BDP1: variants seen among roughly 807,000 people sequenced by gnomAD.
BDP1 encodes BDP1 general transcription factor IIIB subunit.
In BDP1, 169 loss-of-function variants were observed where a neutral mutation model predicts 266.6. The observed-to-expected ratio is 0.63, with a 90% confidence interval of 0.56 to 0.72. The LOEUF is 0.72. Ranked by LOEUF, BDP1 falls within the 30% of genes least tolerant of loss-of-function variation. BDP1 has a pLI of 0.00. For synonymous variants in BDP1, 1,090 were observed against 1,022.4 expected (o/e 1.07, Z -1.26); for missense variants, 3,015 against 3,053.8 (o/e 0.99, Z 0.30).
At position 71,509,450 on chromosome 5, in the gene BDP1, C is replaced by T. The variant is rs66954493; in HGVS notation, c.2373-15C>T. The T allele has an allele frequency of 0.041, 49,156 of 1,184,888 alleles. 484 individuals carry two copies. The highest frequency in any genetic ancestry group is 0.099 in the South Asian group (5,166 of 52,234). 73.4% of individuals were successfully genotyped at this position (1,184,888 alleles called of 1,614,324 possible). A position where few individuals can be genotyped will look rare whatever the true frequency, so the allele number is the denominator to read the frequency against. ...GGTTTAAAACTTGATTGTGTGCCCC[C>T]TTTTTTTTTTATAGCGTTCAAGAGA... is the stretch of plus-strand genomic sequence containing the variant. On this transcript the variant is annotated splice_polypyrimidine_tract_variant and intron_variant, in intron 16 of 38. Coordinates refer to ENST00000358731, the MANE Select transcript of BDP1 (RefSeq NM_018429.3).
At position 71,495,454 on chromosome 5, in the gene BDP1, G is replaced by A. The variant is rs757816577; in HGVS notation, c.1799+46G>A. Reference sequence around the variant, plus strand: ...GATTTATTTATAAAATTTTGATAAGGTTCTTAAATGATAATAATGTTGCTT... The same window carrying A: ...GATTTATTTATAAAATTTTGATAAGATTCTTAAATGATAATAATGTTGCTT... On this transcript the variant is annotated intron_variant, in intron 12 of 38. Coordinates refer to ENST00000358731, the MANE Select transcript of BDP1 (RefSeq NM_018429.3). 7 of 1,313,598 alleles carry A rather than the reference G, an allele frequency of 5.3e-6. No individual in the cohort carries two copies. The African/African-American group carries it at 5.9e-5, about 11-fold the overall frequency. The allele number at this position is 1,313,598 out of a possible 1,614,324, so 81.4% of individuals were successfully genotyped here.
At chr5:71,559,867 C>A in intron 36 of BDP1, 115 bp from the exon 37 acceptor site, 3 of 1,030,530 alleles carry the variant, frequency 2.9e-6, no homozygotes, top group South Asian at 1.6e-5. Context: ...ATTTAGCTTA[C>A]TCTTATTAGG....
At chr5:71,481,391 GAAAAAAAAAA>G (rs58798987) in intron 7 of BDP1, among the ~76,000 whole-genome samples, 12 of 63,844 alleles carry the variant, frequency 1.9e-4, no homozygotes, top group East Asian at 5.2e-4. Context: ...TCTCTACAAA[GAAAAAAAAAA>G]AAAAAAAAAA....
chr5:71,549,367 C>T, intron 33 of BDP1, 53 bp from the exon 34 acceptor site: 1 of 1,320,864 alleles, frequency 7.6e-7, no homozygotes, highest in Admixed American at 2.2e-5. Flanking sequence ...ATTAATGATA[C>T]TCTGTTATTT....
At chr5:71,536,368 A>G (rs1471435486) in intron 26 of BDP1, among the ~76,000 whole-genome samples, 10 of 152,178 alleles carry the variant, frequency 6.6e-5, no homozygotes, top group Middle Eastern at 3.2e-3. Flanking sequence ...TACTTCCACA[A>G]TTTGCAGTTA....
intron 12 of BDP1, among the ~76,000 whole-genome samples, chr5:71,495,632 TATA>T (rs1763843738): frequency 6.6e-6 from 1 of 152,318 alleles, no homozygotes; most frequent in East Asian, 1.9e-4. Flanking sequence ...ATATCTGTTA[TATA>T]ATAATGATAT....
Position 71,510,824 on chromosome 5 carries a change from C to G in BDP1, c.3732C>G (p.Phe1244Leu), listed in dbSNP as rs1580109648. The change falls in exon 17 of 39, where the codon TTC becomes TTG. Residue 1244 changes from phenylalanine to leucine, a missense_variant. Coordinates refer to ENST00000358731, the MANE Select transcript of BDP1 (RefSeq NM_018429.3). Reference sequence around the variant, plus strand: ...AAAGGGAAAAGGTGCTAGCAGAGTTCAGTGCTATAAGGGAAAAGGAGATTG... The same window carrying G: ...AAAGGGAAAAGGTGCTAGCAGAGTTGAGTGCTATAAGGGAAAAGGAGATTG... ...ISQREKVLAE[F>L]SAIREKEIDL... 1 of 1,613,250 alleles carries G rather than the reference C, an allele frequency of 6.2e-7. No homozygotes were observed. The highest frequency in any genetic ancestry group is 8.5e-7 in the Non-Finnish European group (1 of 1,179,762).
intron 11 of BDP1, chr5:71,494,947 C>G (rs1180032602): frequency 5.6e-6 from 1 of 179,188 alleles, no homozygotes; most frequent in Non-Finnish European, 1.2e-5. Flanking sequence ...ATCTGCCCGC[C>G]CTGGCTTCCC....
At chr5:71,476,852 C>G (rs1021049328) in intron 7 of BDP1, among the ~76,000 whole-genome samples, 1 of 151,914 alleles carries the variant, frequency 6.6e-6, no homozygotes, top group Admixed American at 6.6e-5. Context: ...TACAGGCGCC[C>G]GCCACCACGC....
chr5:71,494,711 A>G (rs1289373598), intron 11 of BDP1: 1 of 152,000 alleles, frequency 6.6e-6, no homozygotes, highest in Admixed American at 6.6e-5. Flanking sequence ...ATAATTTCTC[A>G]TTTTGAAGCC....
intron 25 of BDP1, among the ~76,000 whole-genome samples, chr5:71,526,181 C>T (rs1221125862): frequency 6.6e-6 from 1 of 152,188 alleles, no homozygotes; most frequent in Non-Finnish European, 1.5e-5. Flanking sequence ...CTCCGTCTGC[C>T]ATCCCGGCAC....
rs563894962 is a variant in BDP1, at chr5:71,543,345, T to C, written c.6413-1012T>C. ...CGGTGGTGGTGCACACCTGAAATCC[T>C]AGCCCTTTGGGAGGCAGAGGCAGGA... is the stretch of plus-strand genomic sequence containing the variant. On this transcript the variant is annotated intron_variant, in intron 30 of 38. Coordinates refer to ENST00000358731, the MANE Select transcript of BDP1 (RefSeq NM_018429.3). 2.6e-5 allele frequency among the ~76,000 whole-genome samples: 4 copies of C among 152,288 alleles called. No homozygotes were observed. In the East Asian group the frequency reaches 7.7e-4, roughly 29 times the overall value.
intron 36 of BDP1, 49 bp from the exon 37 acceptor site, chr5:71,559,933 G>A (rs1280197935): frequency 6.3e-7 from 1 of 1,579,924 alleles, no homozygotes; most frequent in East Asian, 2.2e-5. Flanking sequence ...ATTACATGGA[G>A]TGTATTAACT....
At chr5:71,537,464 A>C (rs1561766391) in intron 26 of BDP1, among the ~76,000 whole-genome samples, 1 of 152,180 alleles carries the variant, frequency 6.6e-6, no homozygotes, top group Non-Finnish European at 1.5e-5. Flanking sequence ...TGCATTTGTG[A>C]AATAGTTGAG....
chr5:71,469,576 A>G (rs899919891), intron 6 of BDP1, among the ~76,000 whole-genome samples: 2 of 151,978 alleles, frequency 1.3e-5, no homozygotes, highest in East Asian at 1.9e-4. Context: ...GGCAGAATGA[A>G]TGTTTTAAAA....
chr5:71,558,324 T>A (rs1439884895), intron 36 of BDP1, among the ~76,000 whole-genome samples: 1 of 151,688 alleles, frequency 6.6e-6, no homozygotes, highest in Non-Finnish European at 1.5e-5. Context: ...TCACCTGAGG[T>A]CAGCCTGGCC....
chr5:71,508,869 G>C (rs983418489), intron 16 of BDP1, among the ~76,000 whole-genome samples: 2 of 152,198 alleles, frequency 1.3e-5, no homozygotes, highest in African/African-American at 4.8e-5. Context: ...AAGTATTATT[G>C]TGTATTTGGT....
chr5:71,466,493 A>G (rs1274686838), intron 5 of BDP1, among the ~76,000 whole-genome samples: 5 of 152,204 alleles, frequency 3.3e-5, no homozygotes, highest in Non-Finnish European at 7.3e-5. Flanking sequence ...CAGGCTGTTG[A>G]ACTAATCATA....
At chr5:71,507,421 T>C (rs1764643609) in intron 16 of BDP1, among the ~76,000 whole-genome samples, 1 of 152,238 alleles carries the variant, frequency 6.6e-6, no homozygotes, top group Non-Finnish European at 1.5e-5. Context: ...TTTGGTGGAA[T>C]GGCAGTTTAA....
Sources: allele counts gnomAD v4.1 joint callset (sites outside exome capture counted in the v4.1 genomes callset), GRCh38; gene constraint gnomAD v4.1.1; transcripts MANE v1.5; gene names NCBI Gene and HGNC (gene_info 2026-07-23, HGNC 2026-07-21).